The following PPP1CB variants were observed in gnomAD, a reference collection of about 807,000 sequenced individuals.
The protein encoded by PPP1CB is protein phosphatase 1 catalytic subunit beta, also known as serine/threonine-protein phosphatase PP1-beta catalytic subunit.
A neutral mutation model predicts 43.7 loss-of-function variants in PPP1CB; 2 were observed. The ratio of observed to expected loss-of-function variants is 0.05; its 90% CI spans 0.02 to 0.14. The LOEUF (loss-of-function observed/expected upper bound fraction) is 0.14. Ranked by LOEUF, PPP1CB falls within the 10% of genes least tolerant of loss-of-function variation. The pLI is 1.00. For synonymous variants in PPP1CB, 136 were observed against 135.6 expected (o/e 1.00, Z -0.02); for missense variants, 84 against 398.0 (o/e 0.21, Z 6.71).
Position 28,778,665 on chromosome 2 carries a change from C to T in PPP1CB, c.185-144C>T, listed in dbSNP as rs114559491. ...TGGAAGTGACAGCCCATCTCACTTT[C>T]GCTTATTAGAAGTAAGTCACCAAAT... On this transcript the variant is annotated intron_variant, in intron 2 of 7. Coordinates refer to ENST00000395366, the MANE Select transcript of PPP1CB (RefSeq NM_002709.3). The T allele has an allele frequency of 0.021, 12,678 of 600,558 alleles. 190 individuals carry two copies. The highest frequency in any genetic ancestry group is 0.026 in the Non-Finnish European group (8,884 of 336,900). The allele number at this position is 600,558 out of a possible 1,614,324, so 37.2% of individuals were successfully genotyped here. A position where few individuals can be genotyped will look rare whatever the true frequency, so the allele number is the denominator to read the frequency against.
chr2:28,764,056 C>T (rs1666724510), intron 1 of PPP1CB, among the ~76,000 whole-genome samples: 1 of 151,852 alleles, frequency 6.6e-6, no homozygotes, highest in African/African-American at 2.4e-5. Flanking sequence ...ACAGCAGCTG[C>T]CTAATTTTTT....
intron 1 of PPP1CB, among the ~76,000 whole-genome samples, chr2:28,756,206 CAT>C (rs1280432011): frequency 3.3e-5 from 5 of 152,292 alleles, no homozygotes; most frequent in Admixed American, 2.6e-4. Flanking sequence ...TATTTTTTAA[CAT>C]ATTACCACGA....
intron 1 of PPP1CB, among the ~76,000 whole-genome samples, chr2:28,770,421 A>G (rs1249263998): frequency 1.3e-5 from 2 of 151,422 alleles, no homozygotes; most frequent in African/African-American, 2.4e-5. Flanking sequence ...GATATCATGC[A>G]CACATTAATC....
intron 1 of PPP1CB, among the ~76,000 whole-genome samples, chr2:28,766,431 A>C (rs1450695704): frequency 6.6e-6 from 1 of 152,206 alleles, no homozygotes; most frequent in Non-Finnish European, 1.5e-5. Flanking sequence ...AACATCCTAC[A>C]TTTTCTCAGA....
At chr2:28,785,301 C>T (rs1469548456) in intron 5 of PPP1CB, among the ~76,000 whole-genome samples, 1 of 151,674 alleles carries the variant, frequency 6.6e-6, no homozygotes, top group Non-Finnish European at 1.5e-5. Flanking sequence ...GTCTCGATCT[C>T]TTGATCTTGT....
intron 2 of PPP1CB, among the ~76,000 whole-genome samples, chr2:28,778,082 T>G (rs28450612): frequency 6.6e-6 from 1 of 152,210 alleles, no homozygotes; most frequent in African/African-American, 2.4e-5. Flanking sequence ...TACTTAGAGG[T>G]GATCTTAAAA....
intron 7 of PPP1CB, among the ~76,000 whole-genome samples, chr2:28,796,670 G>A (rs1321501377): frequency 2.0e-5 from 3 of 152,114 alleles, no homozygotes; most frequent in South Asian, 2.1e-4. Flanking sequence ...TTCCAGGCAC[G>A]TTTTGGCGGA....
chr2:28,786,104 A>G (rs1667260562), intron 5 of PPP1CB, among the ~76,000 whole-genome samples: 1 of 152,132 alleles, frequency 6.6e-6, no homozygotes, highest in African/African-American at 2.4e-5. Context: ...TCATTAAACA[A>G]TAAATCTTGA....
rs11687800 is a variant in PPP1CB, at chr2:28,800,093, T to C, written c.*790T>C. The C allele has an allele frequency of 0.13, 20,212 of 152,422 alleles. 1,753 individuals carry two copies. The highest frequency in any genetic ancestry group is 0.24 in the African/African-American group (10,063 of 41,474). The allele number at this position is 152,422 out of a possible 1,614,324, so 9.4% of individuals were successfully genotyped here. On this transcript the variant is annotated 3_prime_UTR_variant, in exon 8 of 8. Coordinates refer to ENST00000395366, the MANE Select transcript of PPP1CB (RefSeq NM_002709.3). ...CATTTAAGATAAGGCTCATATAGTA[T>C]TACCCAACTAGTTGGTAATGTGATT...
intron 7 of PPP1CB, among the ~76,000 whole-genome samples, chr2:28,795,825 T>C (rs553022048): frequency 6.6e-6 from 1 of 152,352 alleles, no homozygotes; most frequent in Non-Finnish European, 1.5e-5. Context: ...ATCATTGTTT[T>C]GGTTGCAGTT....
At chr2:28,788,995 C>T (rs779432684) in intron 6 of PPP1CB, among the ~76,000 whole-genome samples, 186 bp downstream of exon 6, 3 of 151,938 alleles carry the variant, frequency 2.0e-5, no homozygotes, top group South Asian at 2.1e-4. Flanking sequence ...GTAGCTGGGA[C>T]GATAGCCGTG....
At position 28,755,049 on chromosome 2, in the gene PPP1CB, T is replaced by C. The variant is rs535255189; in HGVS notation, c.52+2873T>C. Among the ~76,000 whole-genome samples, 5 of 152,276 alleles carry C rather than the reference T, an allele frequency of 3.3e-5. 1 individual carries two copies. In the East Asian group the frequency reaches 9.6e-4, roughly 29 times the overall value. ...TGGGCGTATTATTGATAAGTTTTTTTTGTTTTTTGTTTTTTTGAGACGGAG... is the reference window on the plus strand; with the variant it reads ...TGGGCGTATTATTGATAAGTTTTTTCTGTTTTTTGTTTTTTTGAGACGGAG... On this transcript the variant is annotated intron_variant, in intron 1 of 7. Coordinates refer to ENST00000395366, the MANE Select transcript of PPP1CB (RefSeq NM_002709.3).
At chr2:28,780,088 T>TC (rs1667126149) in intron 3 of PPP1CB, among the ~76,000 whole-genome samples, 4 of 106,360 alleles carry the variant, frequency 3.8e-5, no homozygotes, top group East Asian at 2.9e-4. Context: ...TTCTTTCTTT[T>TC]TTTTTTTTTT....
At chr2:28,775,441 T>C (rs1667016858) in intron 1 of PPP1CB, among the ~76,000 whole-genome samples, 1 of 152,136 alleles carries the variant, frequency 6.6e-6, no homozygotes, top group Admixed American at 6.5e-5. Context: ...AGGGTCTTGC[T>C]CTGTCACCAA....
intron 1 of PPP1CB, among the ~76,000 whole-genome samples, chr2:28,754,848 T>C (rs1666445374): frequency 6.6e-6 from 1 of 152,204 alleles, no homozygotes; most frequent in Admixed American, 6.5e-5. Flanking sequence ...GGCAAGAATT[T>C]CTCTGCATTA....
chr2:28,761,826 G>C (rs1047753538), intron 1 of PPP1CB, among the ~76,000 whole-genome samples: 1 of 152,174 alleles, frequency 6.6e-6, no homozygotes, highest in Non-Finnish European at 1.5e-5. Flanking sequence ...ACTGTTGTAT[G>C]CTTGCTTTTG....
intron 1 of PPP1CB, among the ~76,000 whole-genome samples, chr2:28,761,946 T>G (rs1395537346): frequency 2.0e-5 from 3 of 152,194 alleles, no homozygotes; most frequent in Non-Finnish European, 4.4e-5. Flanking sequence ...TTATGTGAGG[T>G]ATTTAACAAT....
At chr2:28,765,133 A>G (rs545970444) in intron 1 of PPP1CB, among the ~76,000 whole-genome samples, 11 of 152,312 alleles carry the variant, frequency 7.2e-5, no homozygotes, top group South Asian at 2.1e-4. Flanking sequence ...CAAACCTGCA[A>G]TGGAAAAGTT....
chr2:28,758,938 T>G (rs960939105), intron 1 of PPP1CB, among the ~76,000 whole-genome samples: 1 of 152,196 alleles, frequency 6.6e-6, no homozygotes, highest in African/African-American at 2.4e-5. Flanking sequence ...GGAATTTTAT[T>G]CTAAGAATGT....
Sources: gnomAD v4.1 joint callset for allele counts (sites outside exome capture counted in the v4.1 genomes callset) on GRCh38, gnomAD v4.1.1 for gene constraint, MANE v1.5 for transcripts, NCBI Gene and HGNC (gene_info 2026-07-23, HGNC 2026-07-21) for gene names.